GAS7: variants seen among roughly 807,000 people sequenced by gnomAD.
GAS7 encodes growth arrest-specific protein 7.
GAS7 carries 28 observed loss-of-function variants against 71.1 expected under a neutral mutation model. That is an observed-to-expected ratio of 0.39 (90% CI 0.29 to 0.54). The LOEUF (loss-of-function observed/expected upper bound fraction) is 0.54, where lower values mean the gene tolerates loss of function less well. Among genes scored for constraint, GAS7 ranks in the 20% least tolerant of loss-of-function variants. The probability of loss-of-function intolerance (pLI) is 0.62; values close to 1 mark genes in which losing one functional copy is unlikely to be tolerated. For synonymous variants in GAS7, 258 were observed against 245.8 expected, an observed-to-expected ratio of 1.05 and a Z score of -0.46; for missense variants, 436 against 627.8, an observed-to-expected ratio of 0.69 and a Z score of 3.27.
At chr17:10,144,594 A>G (rs1158657158) in intron 1 of GAS7, among the ~76,000 whole-genome samples, 4 of 151,928 alleles carry the variant, frequency 2.6e-5, no homozygotes, top group Non-Finnish European at 4.4e-5. Flanking sequence ...TCCAGGCTGG[A>G]GTACAGTGGC....
intron 2 of GAS7, among the ~76,000 whole-genome samples, chr17:10,012,448 C>T (rs539334493): frequency 4.0e-5 from 6 of 151,852 alleles, no homozygotes; most frequent in East Asian, 2.0e-4. Flanking sequence ...CCACCACACC[C>T]GGCTAATTTT....
At chr17:10,027,176 C>T (rs1423434865) in intron 1 of GAS7, 3 of 152,132 alleles carry the variant, frequency 2.0e-5, no homozygotes, top group Non-Finnish European at 4.4e-5. Flanking sequence ...AGGGCCATGT[C>T]CCTATCCCTC....
chr17:10,192,303 T>C (rs1359450814), intron 1 of GAS7, among the ~76,000 whole-genome samples: 5 of 152,202 alleles, frequency 3.3e-5, no homozygotes, highest in Non-Finnish European at 5.9e-5. Flanking sequence ...CTCCTGACAT[T>C]TTGTTAGAAA....
chr17:10,145,171 G>A (rs1178116325), intron 1 of GAS7, among the ~76,000 whole-genome samples: 2 of 152,268 alleles, frequency 1.3e-5, no homozygotes, highest in Non-Finnish European at 1.5e-5. Flanking sequence ...ACGCCCTGGT[G>A]TCTGGGGCTG....
At chr17:9,928,452 G>A (rs4791913) in intron 9 of GAS7, among the ~76,000 whole-genome samples, 1 of 152,054 alleles carries the variant, frequency 6.6e-6, no homozygotes, top group South Asian at 2.1e-4. Context: ...AGATCAACGG[G>A]ACCTGCTGTG....
intron 1 of GAS7, among the ~76,000 whole-genome samples, chr17:10,063,082 G>A (rs1333371560): frequency 6.6e-6 from 1 of 152,262 alleles, no homozygotes; most frequent in Admixed American, 6.5e-5. Context: ...TGCTGGCTGG[G>A]TTTGCCAGAG....
intron 1 of GAS7, among the ~76,000 whole-genome samples, chr17:10,133,123 T>TATATATA (rs770717224): frequency 0.032 from 4,135 of 129,034 alleles, 76 homozygotes; most frequent in South Asian, 0.075. Flanking sequence ...TATTTTTATA[T>TATATATA]TTTTTTTTTT....
At chr17:10,002,568 A>G (rs2071309094) in intron 2 of GAS7, among the ~76,000 whole-genome samples, 1 of 151,528 alleles carries the variant, frequency 6.6e-6, no homozygotes, top group Non-Finnish European at 1.5e-5. Flanking sequence ...CCGTCCCCCC[A>G]TCCCACAACA....
At chr17:10,193,456 A>T (rs1313526718) in intron 1 of GAS7, among the ~76,000 whole-genome samples, 2 of 152,100 alleles carry the variant, frequency 1.3e-5, no homozygotes, top group Non-Finnish European at 2.9e-5. Flanking sequence ...CCCTCGATGA[A>T]CCACGCCTCC....
intron 1 of GAS7, among the ~76,000 whole-genome samples, chr17:10,158,540 T>C (rs1445841295): frequency 6.6e-6 from 1 of 152,046 alleles, no homozygotes; most frequent in Non-Finnish European, 1.5e-5. Flanking sequence ...TAATGCTCTG[T>C]ATACTGAACT....
At chr17:9,925,203 C>T (rs1482831284) in intron 11 of GAS7, among the ~76,000 whole-genome samples, 2 of 152,132 alleles carry the variant, frequency 1.3e-5, no homozygotes, top group African/African-American at 4.8e-5. Context: ...AAGCCACGAC[C>T]AGGGAGAGAG....
In GAS7 at chr17:9,934,307, G is replaced by A. The variant is rs148226875; in HGVS notation, c.807-63C>T. On this transcript the variant is annotated intron_variant, in intron 8 of 13. Transcript: ENST00000432992. ...AAAGCCCTTCCTGAGGCAGGATGGT[G>A]GGGCTCCACCCCAGGTCTCGGGGAG... 158 of 1,131,156 alleles carry A rather than the reference G, an allele frequency of 1.4e-4. 1 individual carries two copies. In the East Asian group the frequency reaches 3.8e-3, roughly 27 times the overall value. 70.1% of individuals were successfully genotyped at this position (1,131,156 alleles called of 1,614,324 possible).
chr17:10,039,078 A>G (rs1017220933), intron 1 of GAS7, among the ~76,000 whole-genome samples: 2 of 152,188 alleles, frequency 1.3e-5, no homozygotes, highest in African/African-American at 4.8e-5. Flanking sequence ...ATGGGTCCAG[A>G]GTGTCACTGG....
chr17:10,147,727 C>G (rs1010056890), intron 1 of GAS7, among the ~76,000 whole-genome samples: 1 of 152,082 alleles, frequency 6.6e-6, no homozygotes, highest in African/African-American at 2.4e-5. Context: ...TCTCTCATGC[C>G]AAAGATCCAA....
At chr17:9,986,986 A>C (rs2070673980) in intron 2 of GAS7, among the ~76,000 whole-genome samples, 1 of 152,116 alleles carries the variant, frequency 6.6e-6, no homozygotes, top group East Asian at 1.9e-4. Flanking sequence ...GGACCATACT[A>C]CCCACAGGGA....
chr17:9,972,609 T>G (rs1002438962), intron 3 of GAS7, among the ~76,000 whole-genome samples: 1 of 132,236 alleles, frequency 7.6e-6, no homozygotes, highest in Non-Finnish European at 1.7e-5. Flanking sequence ...TAACATCTTC[T>G]GCCAGGAAGC....
intron 1 of GAS7, among the ~76,000 whole-genome samples, chr17:10,105,821 T>A (rs550196057): frequency 6.6e-6 from 1 of 152,140 alleles, no homozygotes; most frequent in Non-Finnish European, 1.5e-5. Flanking sequence ...CAAAGTATAC[T>A]CGTGAGATCA....
chr17:9,924,436 C>T (rs1221458785), intron 11 of GAS7, among the ~76,000 whole-genome samples: 3 of 152,086 alleles, frequency 2.0e-5, no homozygotes, highest in East Asian at 1.9e-4. Flanking sequence ...GCCTCTCAGA[C>T]TGCCGGATTA....
At chr17:10,109,108 T>G (rs1413083652) in intron 1 of GAS7, among the ~76,000 whole-genome samples, 1 of 150,400 alleles carries the variant, frequency 6.6e-6, no homozygotes, top group Non-Finnish European at 1.5e-5. Context: ...TACAAGGAAC[T>G]CAACAGCAAA....
Sources: allele counts gnomAD v4.1 joint callset (sites outside exome capture counted in the v4.1 genomes callset), GRCh38; gene constraint gnomAD v4.1.1; transcripts MANE v1.5; gene names NCBI Gene and HGNC (gene_info 2026-07-23, HGNC 2026-07-21).